Variants in GRIP1 observed in about 807,000 individuals in gnomAD.
GRIP1 encodes the protein glutamate receptor interacting protein 1.
In GRIP1, 45 loss-of-function variants were observed where a neutral mutation model predicts 129.9. The ratio of observed to expected loss-of-function variants is 0.35; its 90% CI spans 0.27 to 0.44. GRIP1 has a LOEUF of 0.44. Ranked by LOEUF, GRIP1 falls within the 20% of genes least tolerant of loss-of-function variation. The pLI is 1.00. For missense variants in GRIP1, 1,196 were observed against 1,396.8 expected (o/e 0.86, Z 2.29); for synonymous variants, 530 against 520.8 (o/e 1.02, Z -0.24).
rs773567910 is a variant in GRIP1 at position 66,455,424 on chromosome 12, C to A, written c.1339G>T (p.Asp447Tyr). ...TMMRRRLKKK[D>Y]FKSSLSLASS... ...TTTCACTTACATGAGCTTTTGAAGT[C>A]TTTCTTTTTCAGTCTCCTCCTCATC... Residue 447 changes from aspartate to tyrosine, a missense_variant, in exon 11 of 25, where the codon GAC becomes TAC. By Grantham distance (160) the Asp-to-Tyr change is radical. This residue lies in a region of GRIP1 where 508 missense variants were observed against 587.0 expected (regional missense o/e 0.87). Transcript: ENST00000359742. 1 of 1,614,164 alleles carries A rather than the reference C, an allele frequency of 6.2e-7. No homozygotes were observed. The highest frequency in any genetic ancestry group is 8.5e-7 in the Non-Finnish European group (1 of 1,180,020).
intron 8 of GRIP1, 54 bp from the exon 9 acceptor site, chr12:66,463,147 G>T (rs2059184773): frequency 1.5e-6 from 2 of 1,367,620 alleles, no homozygotes; most frequent in South Asian, 2.4e-5. Flanking sequence ...TTTGGAATCT[G>T]ACTTTCATGT....
intron 1 of GRIP1, among the ~76,000 whole-genome samples, chr12:66,892,683 T>C (rs2040681565): frequency 6.6e-6 from 1 of 152,202 alleles, no homozygotes; most frequent in Non-Finnish European, 1.5e-5. Flanking sequence ...AAAACTGGAA[T>C]GGATGTGGTA....
chr12:66,507,779 C>CTTTCTTTCTTTCT (rs1555197335), intron 7 of GRIP1, among the ~76,000 whole-genome samples: 2 of 148,914 alleles, frequency 1.3e-5, no homozygotes, highest in African/African-American at 5.0e-5. Flanking sequence ...TTCTTTCTTT[C>CTTTCTTTCTTTCT]TTTTTTTTTA....
chr12:66,366,498 A>C (rs2055153160), intron 23 of GRIP1, among the ~76,000 whole-genome samples: 1 of 152,238 alleles, frequency 6.6e-6, no homozygotes, highest in South Asian at 2.1e-4. Flanking sequence ...TAAAGAGGTT[A>C]CTTGTGAGTG....
At chr12:66,893,322 C>T (rs1400916869) in intron 1 of GRIP1, among the ~76,000 whole-genome samples, 1 of 152,156 alleles carries the variant, frequency 6.6e-6, no homozygotes, top group Non-Finnish European at 1.5e-5. Flanking sequence ...TCATGTTTCA[C>T]ACAGCCTCCC....
At chr12:66,476,260 A>C (rs2059606310) in intron 7 of GRIP1, among the ~76,000 whole-genome samples, 1 of 152,204 alleles carries the variant, frequency 6.6e-6, no homozygotes, top group Admixed American at 6.5e-5. Context: ...AAACTAGAAA[A>C]TCTAGAAGAA....
At chr12:66,840,165 A>C (rs1271709338) in intron 1 of GRIP1, among the ~76,000 whole-genome samples, 1 of 152,120 alleles carries the variant, frequency 6.6e-6, no homozygotes, top group Admixed American at 6.5e-5. Flanking sequence ...TCCCATCAAC[A>C]TGTAATTAAA....
At chr12:66,380,161 C>T (rs1199802502) in intron 19 of GRIP1, among the ~76,000 whole-genome samples, 3 of 152,140 alleles carry the variant, frequency 2.0e-5, no homozygotes, top group Non-Finnish European at 4.4e-5. Context: ...CCACCCACCT[C>T]GGCCTCCCAG....
chr12:66,586,169 C>G (rs1266963146), intron 2 of GRIP1, among the ~76,000 whole-genome samples: 2 of 152,154 alleles, frequency 1.3e-5, no homozygotes, highest in African/African-American at 4.8e-5. Flanking sequence ...ATTCTCACCT[C>G]CACCCATTCA....
rs772842004 is a variant in GRIP1, at chr12:66,405,813, T to C, written c.1984+470A>G. ...AGTACTATTTACAATAATGAAACAA[T>C]TGGAAGCAATATAGTGATTTAAGAA... On this transcript the variant is annotated intron_variant, in intron 16 of 24. Transcript: ENST00000359742. 3.9e-5 allele frequency among the ~76,000 whole-genome samples: 6 copies of C among 152,122 alleles called. No homozygotes were observed. In the East Asian group the frequency reaches 5.8e-4, roughly 15 times the overall value.
chr12:66,650,525 T>C (rs2032717816), intron 1 of GRIP1, among the ~76,000 whole-genome samples: 1 of 152,154 alleles, frequency 6.6e-6, no homozygotes, highest in Non-Finnish European at 1.5e-5. Flanking sequence ...AGCTTTCTGG[T>C]AGAAAAGACC....
At chr12:66,938,458 TTA>T (rs1392064211) in intron 1 of GRIP1, among the ~76,000 whole-genome samples, 1 of 152,196 alleles carries the variant, frequency 6.6e-6, no homozygotes, top group Non-Finnish European at 1.5e-5. Context: ...CTGTTTATTT[TTA>T]TGTTTTAATA....
intron 1 of GRIP1, among the ~76,000 whole-genome samples, chr12:67,032,496 A>G (rs570031787): frequency 2.0e-5 from 3 of 152,248 alleles, no homozygotes; most frequent in African/African-American, 7.2e-5. Flanking sequence ...TTTTGTTCCT[A>G]ATTTTTTCCC....
At chr12:66,984,086 C>T (rs1592428175) in intron 1 of GRIP1, among the ~76,000 whole-genome samples, 1 of 152,172 alleles carries the variant, frequency 6.6e-6, no homozygotes, top group Admixed American at 6.6e-5. Flanking sequence ...CAAAGCCACA[C>T]TTAGAAATCC....
At chr12:66,666,896 G>C (rs1208447794) in intron 1 of GRIP1, among the ~76,000 whole-genome samples, 1 of 147,268 alleles carries the variant, frequency 6.8e-6, no homozygotes, top group African/African-American at 2.5e-5. Flanking sequence ...TTTTTGATTT[G>C]GTATTGATAA....
In GRIP1 at chr12:66,392,408, T is replaced by C; in HGVS notation, c.2364A>G (p.Pro788=). 6.2e-7 allele frequency: 1 copy of C among 1,614,052 alleles called. No individual in the cohort carries two copies. The highest frequency in any genetic ancestry group is 8.5e-7 in the Non-Finnish European group (1 of 1,179,894). The change falls in exon 19 of 25, where the codon CCA becomes CCG. Residue 788 remains proline, a synonymous_variant. Transcript: ENST00000359742. ...AGGGGTACATGTCGGAGAGCTTGCC[T>C]GGCTTCTGTGCTGGTGAGGAGTCCT... The part of the protein sequence containing the change: ...VEEDSSPAQK[P]GKLSDMYPST...
chr12:66,567,670 C>A, intron 2 of GRIP1: 1 of 218,598 alleles, frequency 4.6e-6, no homozygotes. Context: ...ACAAAGACTG[C>A]ATTTTCCCCT....
intron 1 of GRIP1, among the ~76,000 whole-genome samples, chr12:66,868,883 T>C (rs1592916425): frequency 1.3e-5 from 2 of 152,212 alleles, no homozygotes; most frequent in South Asian, 4.2e-4. Flanking sequence ...GAGGACAAAA[T>C]GTACAACTTG....
At chr12:66,940,365 G>C (rs925527145) in intron 1 of GRIP1, among the ~76,000 whole-genome samples, 6 of 152,186 alleles carry the variant, frequency 3.9e-5, no homozygotes, top group African/African-American at 1.4e-4. Context: ...TAGTAGGTGC[G>C]CTCAGTGAGT....
Sources: allele counts gnomAD v4.1 joint callset (sites outside exome capture counted in the v4.1 genomes callset), GRCh38; gene constraint gnomAD v4.1.1; regional missense constraint gnomAD v4.1.1; transcripts MANE v1.5; gene names NCBI Gene and HGNC (gene_info 2026-07-23, HGNC 2026-07-21).